The following SPG11 variants were observed in gnomAD, a reference collection of about 807,000 sequenced individuals.
SPG11 encodes the protein spatacsin.
In SPG11, 222 loss-of-function variants were observed where a neutral mutation model predicts 274.0. The ratio of observed to expected loss-of-function variants is 0.81; its 90% CI spans 0.73 to 0.91. SPG11 has a LOEUF of 0.91. Ranked by LOEUF, SPG11 falls within the 40% of genes least tolerant of loss-of-function variation. The pLI is 0.00. For missense variants in SPG11, 3,114 were observed against 2,872.7 expected (o/e 1.08, Z -1.92); for synonymous variants, 1,144 against 1,039.7 (o/e 1.10, Z -1.93).
intron 26 of SPG11, among the ~76,000 whole-genome samples, chr15:44,594,845 C>T (rs1370039540): frequency 1.3e-5 from 2 of 152,306 alleles, no homozygotes; most frequent in South Asian, 2.1e-4. Flanking sequence ...TTGAGACAGT[C>T]TTGCCCTGTC....
At chr15:44,626,671 T>C (rs2141038708) in intron 10 of SPG11, among the ~76,000 whole-genome samples, 164 bp from the exon 11 acceptor site, 1 of 152,278 alleles carries the variant, frequency 6.6e-6, no homozygotes, top group African/African-American at 2.4e-5. Flanking sequence ...TGAGTAAAAC[T>C]AAGACCCTAC....
chr15:44,579,978 A>G (rs2082626516), intron 30 of SPG11, among the ~76,000 whole-genome samples: 1 of 152,016 alleles, frequency 6.6e-6, no homozygotes. Flanking sequence ...GTAATGTCCT[A>G]AGTTTTCACA....
chr15:44,565,696 A>G (rs2082292999), intron 38 of SPG11, among the ~76,000 whole-genome samples, 158 bp downstream of exon 38: 1 of 152,206 alleles, frequency 6.6e-6, no homozygotes, highest in African/African-American at 2.4e-5. Flanking sequence ...AGAGAAATAC[A>G]TCAAATTGCC....
At chr15:44,600,357 T>C in intron 21 of SPG11, 110 bp downstream of exon 21, 1 of 1,195,916 alleles carries the variant, frequency 8.4e-7, no homozygotes, top group Non-Finnish European at 1.2e-6. Flanking sequence ...TGACCATAGC[T>C]CACTGCTTCC....
intron 30 of SPG11, among the ~76,000 whole-genome samples, chr15:44,579,730 C>CA (rs1370032972): frequency 6.6e-6 from 1 of 151,948 alleles, no homozygotes; most frequent in Non-Finnish European, 1.5e-5. Flanking sequence ...AGCAAAGAAA[C>CA]AGATATGAAG....
chr15:44,636,944 A>AC (rs1567180530), intron 7 of SPG11, among the ~76,000 whole-genome samples: 32 of 119,996 alleles, frequency 2.7e-4, no homozygotes, highest in African/African-American at 1.0e-3. Flanking sequence ...AAAAAAAAAA[A>AC]AAAAAAAAAA....
At chr15:44,614,120 T>A (rs373338783) in intron 16 of SPG11, among the ~76,000 whole-genome samples, 1 of 152,208 alleles carries the variant, frequency 6.6e-6, no homozygotes, top group Non-Finnish European at 1.5e-5. Context: ...ATACATACTT[T>A]GAAAATACAG....
intron 30 of SPG11, among the ~76,000 whole-genome samples, chr15:44,582,869 T>C (rs1392308658): frequency 6.6e-6 from 1 of 152,172 alleles, no homozygotes; most frequent in African/African-American, 2.4e-5. Context: ...AGGGAACTTT[T>C]TCAACATGAT....
rs140226310 is a variant in SPG11, at chr15:44,610,310, C to G, written c.3291+530G>C. 9.9e-5 allele frequency among the ~76,000 whole-genome samples: 15 copies of G among 152,002 alleles called. No homozygotes were observed. In the South Asian group the frequency reaches 2.1e-3, roughly 21 times the overall value. On this transcript the variant is annotated intron_variant, in intron 18 of 39. Coordinates refer to ENST00000261866, the MANE Select transcript of SPG11 (RefSeq NM_025137.4). Reference sequence around the variant, plus strand: ...TCAAGTGATCCACCCACCCTGGCCTCTCAAAAGGGCTGGAATTACAAATGT... The same window carrying G: ...TCAAGTGATCCACCCACCCTGGCCTGTCAAAAGGGCTGGAATTACAAATGT...
intron 1 of SPG11, among the ~76,000 whole-genome samples, chr15:44,661,988 GCCC>G (rs2085123001): frequency 6.6e-6 from 1 of 151,844 alleles, no homozygotes; most frequent in African/African-American, 2.4e-5. Context: ...GCATATGAAC[GCCC>G]CCTTTATTTC....
chr15:44,629,969 G>T (rs1403394260), intron 8 of SPG11, among the ~76,000 whole-genome samples: 4 of 152,176 alleles, frequency 2.6e-5, no homozygotes, highest in Non-Finnish European at 5.9e-5. Context: ...TACTCAGGAG[G>T]CTGAGGCAGA....
chr15:44,636,556 G>C (rs1395288827), intron 7 of SPG11, among the ~76,000 whole-genome samples: 1 of 152,022 alleles, frequency 6.6e-6, no homozygotes, highest in Non-Finnish European at 1.5e-5. Context: ...CAGCTACTCA[G>C]GAGGCTGAGG....
At chr15:44,627,072 C>G (rs936823709) in intron 10 of SPG11, among the ~76,000 whole-genome samples, 1 of 152,042 alleles carries the variant, frequency 6.6e-6, no homozygotes, top group African/African-American at 2.4e-5. Flanking sequence ...ATGAGCCTTG[C>G]GTTTGAGGTA....
At chr15:44,585,958 G>A in intron 28 of SPG11, 108 bp from the exon 29 acceptor site, 2 of 789,298 alleles carry the variant, frequency 2.5e-6, no homozygotes, top group Non-Finnish European at 4.1e-6. Flanking sequence ...ACATAGTAAT[G>A]TGGTTAAAGG....
At chr15:44,611,021 G>C in intron 17 of SPG11, 36 bp from the exon 18 acceptor site, 1 of 1,516,176 alleles carries the variant, frequency 6.6e-7, no homozygotes, top group Admixed American at 1.8e-5. Flanking sequence ...CTCCTTAAGA[G>C]GGATAAATAC....
intron 30 of SPG11, among the ~76,000 whole-genome samples, chr15:44,576,222 A>G (rs1341673963): frequency 6.6e-6 from 1 of 151,934 alleles, no homozygotes; most frequent in African/African-American, 2.4e-5. Flanking sequence ...TTCTATTAGG[A>G]AAAAAAAGTA....
chr15:44,571,955 C>G (rs2082434254), intron 33 of SPG11, among the ~76,000 whole-genome samples: 1 of 152,218 alleles, frequency 6.6e-6, no homozygotes, highest in South Asian at 2.1e-4. Context: ...CCATGCCCCG[C>G]TAAGTTTTTA....
At chr15:44,583,150 G>C (rs1370153915) in intron 30 of SPG11, among the ~76,000 whole-genome samples, 2 of 152,196 alleles carry the variant, frequency 1.3e-5, no homozygotes, top group African/African-American at 2.4e-5. Flanking sequence ...CCTAGAATAA[G>C]CAAGTTTAAC....
intron 35 of SPG11, among the ~76,000 whole-genome samples, chr15:44,567,891 A>G (rs188939891): frequency 3.7e-4 from 56 of 152,358 alleles, no homozygotes; most frequent in African/African-American, 1.0e-3. Context: ...TAAGCAGAGA[A>G]AAGTGCTAAG....
Sources: allele counts gnomAD v4.1 joint callset (sites outside exome capture counted in the v4.1 genomes callset), GRCh38; gene constraint gnomAD v4.1.1; transcripts MANE v1.5; gene names NCBI Gene and HGNC (gene_info 2026-07-23, HGNC 2026-07-21).